The following PTPRD variants were observed in gnomAD, a reference collection of about 807,000 sequenced individuals.
PTPRD encodes protein tyrosine phosphatase receptor type D.
Under a neutral mutation model 214.5 loss-of-function variants are expected in PTPRD, and 34 were observed. That is an observed-to-expected ratio of 0.16 (90% CI 0.12 to 0.21). The LOEUF (loss-of-function observed/expected upper bound fraction) is 0.21. Among genes scored for constraint, PTPRD ranks in the 10% least tolerant of loss-of-function variants. The pLI, the probability that PTPRD is intolerant of heterozygous loss-of-function variation, is 1.00. For synonymous variants in PTPRD, 1,128 were observed against 845.7 expected (o/e 1.33, Z -5.79); for missense variants, 2,545 against 2,398.7 (o/e 1.06, Z -1.27).
intron 9 of PTPRD, among the ~76,000 whole-genome samples, chr9:9,253,417 C>T (rs2099976285): frequency 6.6e-6 from 1 of 151,676 alleles, no homozygotes; most frequent in South Asian, 2.1e-4. Flanking sequence ...ATAATATTTA[C>T]TTTTATTCAA....
intron 9 of PTPRD, among the ~76,000 whole-genome samples, chr9:9,189,722 A>T (rs909029526): frequency 2.0e-5 from 3 of 152,060 alleles, no homozygotes; most frequent in Non-Finnish European, 4.4e-5. Flanking sequence ...TAAATGGTAA[A>T]TATTTTTGAA....
At chr9:9,276,841 T>A (rs2133293797) in intron 9 of PTPRD, among the ~76,000 whole-genome samples, 1 of 151,472 alleles carries the variant, frequency 6.6e-6, no homozygotes, top group South Asian at 2.1e-4. Context: ...AGTCAATATT[T>A]TATTGCCATC....
chr9:10,447,385 C>G (rs539906135), intron 2 of PTPRD, among the ~76,000 whole-genome samples: 5 of 152,054 alleles, frequency 3.3e-5, no homozygotes, highest in South Asian at 2.1e-4. Context: ...CCTTTGGGCT[C>G]TCATTTGCTA....
At chr9:9,891,544 T>C (rs1376462660) in intron 5 of PTPRD, among the ~76,000 whole-genome samples, 1 of 152,120 alleles carries the variant, frequency 6.6e-6, no homozygotes, top group Non-Finnish European at 1.5e-5. Flanking sequence ...CATATGAGCT[T>C]ATTTTTTTGA....
chr9:8,442,644 A>T (rs530675980), intron 34 of PTPRD, among the ~76,000 whole-genome samples: 17 of 152,296 alleles, frequency 1.1e-4, no homozygotes, highest in Non-Finnish European at 2.2e-4. Context: ...CAGAAAGAGA[A>T]AATTCATTCA....
chr9:9,733,859 G>C (rs1238051001), intron 7 of PTPRD, among the ~76,000 whole-genome samples: 6 of 152,076 alleles, frequency 3.9e-5, no homozygotes, highest in Admixed American at 6.6e-5. Flanking sequence ...GAATGTGATA[G>C]TGAGCAATAT....
chr9:8,321,941 T>A (rs1828741834), intron 44 of PTPRD, among the ~76,000 whole-genome samples: 1 of 152,168 alleles, frequency 6.6e-6, no homozygotes, highest in Non-Finnish European at 1.5e-5. Flanking sequence ...ATACTTGGTT[T>A]GTGTCTCTGT....
At chr9:10,380,272 G>A (rs988635067) in intron 2 of PTPRD, among the ~76,000 whole-genome samples, 32 of 152,028 alleles carry the variant, frequency 2.1e-4, no homozygotes, top group African/African-American at 7.7e-4. Context: ...GCTTTGCTAT[G>A]CAAACTTAAA....
intron 2 of PTPRD, among the ~76,000 whole-genome samples, chr9:10,345,425 C>A (rs1483637510): frequency 6.6e-6 from 1 of 150,834 alleles, no homozygotes; most frequent in Non-Finnish European, 1.5e-5. Flanking sequence ...TAGCCCCCCA[C>A]CCCCCACATG....
chr9:9,510,743 T>G (rs1203703120), intron 8 of PTPRD, among the ~76,000 whole-genome samples: 2 of 151,544 alleles, frequency 1.3e-5, no homozygotes, highest in Admixed American at 6.6e-5. Flanking sequence ...TCAGGCATAA[T>G]CATGCATCCT....
At chr9:9,152,505 C>G (rs976702433) in intron 10 of PTPRD, among the ~76,000 whole-genome samples, 1 of 152,072 alleles carries the variant, frequency 6.6e-6, no homozygotes, top group Non-Finnish European at 1.5e-5. Context: ...ATAGTAATAA[C>G]TATACAAGAT....
intron 10 of PTPRD, among the ~76,000 whole-genome samples, chr9:9,060,183 C>G (rs141040909): frequency 5.4e-4 from 82 of 152,260 alleles, no homozygotes; most frequent in Middle Eastern, 3.4e-3. Flanking sequence ...TTAACTAAAA[C>G]TGACATTGGT....
chr9:9,779,876 T>C (rs756420807), intron 5 of PTPRD, among the ~76,000 whole-genome samples: 8 of 152,174 alleles, frequency 5.3e-5, no homozygotes, highest in African/African-American at 1.7e-4. Context: ...AAAATAGAGC[T>C]ACCATTCAAC....
At chr9:8,603,041 C>A (rs2094963161) in intron 14 of PTPRD, among the ~76,000 whole-genome samples, 1 of 152,108 alleles carries the variant, frequency 6.6e-6, no homozygotes, top group Non-Finnish European at 1.5e-5. Flanking sequence ...CTGTCTTAAT[C>A]AATTTTTAGG....
chr9:9,554,651 G>T (rs185803012), intron 8 of PTPRD, among the ~76,000 whole-genome samples: 96 of 152,072 alleles, frequency 6.3e-4, no homozygotes, highest in African/African-American at 1.7e-3. Flanking sequence ...AACACTTGAG[G>T]CTTGACTCAT....
chr9:9,831,449 T>A (rs2054800594), intron 5 of PTPRD, among the ~76,000 whole-genome samples: 1 of 151,942 alleles, frequency 6.6e-6, no homozygotes, highest in Non-Finnish European at 1.5e-5. Context: ...ACCCTGAAAT[T>A]GAAATGGGAA....
At chr9:9,834,936 T>G (rs551403000) in intron 5 of PTPRD, among the ~76,000 whole-genome samples, 1 of 146,930 alleles carries the variant, frequency 6.8e-6, no homozygotes, top group Non-Finnish European at 1.5e-5. Flanking sequence ...GGTACTTTTG[T>G]TTTTTTTTTG....
chr9:10,040,979 G>A (rs1226055434), intron 3 of PTPRD, among the ~76,000 whole-genome samples: 1 of 151,880 alleles, frequency 6.6e-6, no homozygotes, highest in Non-Finnish European at 1.5e-5. Flanking sequence ...TCTATTTGTT[G>A]TTTTGAAGAG....
At chr9:9,797,096 G>A (rs2099007383) in intron 5 of PTPRD, among the ~76,000 whole-genome samples, 1 of 151,508 alleles carries the variant, frequency 6.6e-6, no homozygotes, top group Non-Finnish European at 1.5e-5. Flanking sequence ...AGAAATACAT[G>A]GGGAAGGAAT....
Sources: allele counts gnomAD v4.1 joint callset (sites outside exome capture counted in the v4.1 genomes callset), GRCh38; gene constraint gnomAD v4.1.1; transcripts MANE v1.5; gene names NCBI Gene and HGNC (gene_info 2026-07-23, HGNC 2026-07-21).